The following LRRIQ1 variants were observed in gnomAD, a reference collection of about 807,000 sequenced individuals.
LRRIQ1 encodes the protein leucine rich repeats and IQ motif containing 1.
In LRRIQ1, 210 loss-of-function variants were observed where a neutral mutation model predicts 211.9. The ratio of observed to expected loss-of-function variants is 0.99; its 90% CI spans 0.89 to 1.11. The LOEUF is 1.11. Among genes scored for constraint, LRRIQ1 ranks in the 50% most tolerant of loss-of-function variants. The probability of loss-of-function intolerance (pLI) is 0.00; values close to 1 mark genes in which losing one functional copy is unlikely to be tolerated. For synonymous variants in LRRIQ1, 699 were observed against 650.1 expected (o/e 1.08, Z -1.14); for missense variants, 2,136 against 1,939.5 (o/e 1.10, Z -1.90).
At chr12:85,098,269 C>A in intron 11 of LRRIQ1, 86 bp from the exon 12 acceptor site, 1 of 813,402 alleles carries the variant, frequency 1.2e-6, no homozygotes. Flanking sequence ...TACAAAGGTG[C>A]AATTATTTAG....
intron 24 of LRRIQ1, among the ~76,000 whole-genome samples, chr12:85,197,879 AT>A (rs1893019937): frequency 1.5e-5 from 2 of 132,600 alleles, no homozygotes; most frequent in Admixed American, 8.8e-5. Context: ...AATAAATTTA[AT>A]AAAACATAAT....
At chr12:85,052,124 A>G in intron 6 of LRRIQ1, 53 bp from the exon 7 acceptor site, 2 of 992,086 alleles carry the variant, frequency 2.0e-6, no homozygotes, top group Non-Finnish European at 3.0e-6. Context: ...TATAATTAAC[A>G]TAATATTTTT....
chr12:85,083,739 G>A (rs796567), intron 11 of LRRIQ1, among the ~76,000 whole-genome samples: 90,715 of 151,964 alleles, frequency 0.6, 29,348 homozygotes, highest in African/African-American at 0.86. Context: ...CACCCGGCCT[G>A]GTAATTTTTG....
At chr12:85,042,216 A>G (rs1490941191) in intron 3 of LRRIQ1, among the ~76,000 whole-genome samples, 1 of 151,732 alleles carries the variant, frequency 6.6e-6, no homozygotes, top group African/African-American at 2.4e-5. Context: ...TTAGAAAATT[A>G]TGAGATCTTG....
chr12:85,251,785 A>AT (rs201875145), intron 1 of LRRIQ1, among the ~76,000 whole-genome samples: 2,937 of 151,808 alleles, frequency 0.019, 102 homozygotes, highest in African/African-American at 0.068. Context: ...CGCAAAAAAA[A>AT]AAAAACAGAT....
chr12:85,082,365 G>A (rs1884387346), intron 11 of LRRIQ1, among the ~76,000 whole-genome samples: 1 of 152,086 alleles, frequency 6.6e-6, no homozygotes, highest in African/African-American at 2.4e-5. Flanking sequence ...TTACATTGAT[G>A]TGTCTAGGCA....
In LRRIQ1 at chr12:85,056,211, C is replaced by A; in HGVS notation, c.1418C>A (p.Thr473Lys). The change falls in exon 8 of 27, where the codon ACA becomes AAA. Residue 473 changes from threonine to lysine, a missense_variant. By Grantham distance (78) the Thr-to-Lys change is moderately conservative. Transcript: ENST00000393217. Reference sequence around the variant, plus strand: ...TTAAAAGAATCTATATCAAGCCAAACAATTCTGGCAGATTTTAAAATGGAA... The same window carrying A: ...TTAAAAGAATCTATATCAAGCCAAAAAATTCTGGCAGATTTTAAAATGGAA... Reference protein sequence around the residue: ...VKLKESISSQTILADFKMEEK... With the variant: ...VKLKESISSQKILADFKMEEK... 1 of 1,569,934 alleles carries A rather than the reference C, an allele frequency of 6.4e-7. No homozygotes were observed. Among genetic ancestry groups the A allele is most frequent in the Non-Finnish European group, 8.6e-7 (1 of 1,167,528 alleles).
chr12:85,163,587 T>C lies in LRRIQ1; in HGVS notation c.4822+2873T>C, dbSNP rs76314790. On this transcript the variant is annotated intron_variant, in intron 24 of 26. Transcript: ENST00000393217. ...ATTACTTTCTATCTCCACTCTGCAA[T>C]GTTGACTATATGGGGTTTCCATGAT... is the stretch of plus-strand genomic sequence containing the variant. Among the ~76,000 whole-genome samples, 34 of 152,276 alleles carry C rather than the reference T, an allele frequency of 2.2e-4. No homozygotes were observed. The East Asian group carries it at 5.6e-3, about 25-fold the overall frequency.
At chr12:85,130,672 C>T (rs1038577994) in intron 18 of LRRIQ1, among the ~76,000 whole-genome samples, 1 of 152,176 alleles carries the variant, frequency 6.6e-6, no homozygotes, top group Non-Finnish European at 1.5e-5. Flanking sequence ...AATCATCTAG[C>T]TTCTTAAATG....
intron 24 of LRRIQ1, among the ~76,000 whole-genome samples, 179 bp downstream of exon 24, chr12:85,160,893 T>C (rs1013428269): frequency 6.6e-6 from 1 of 152,078 alleles, no homozygotes; most frequent in African/African-American, 2.4e-5. Context: ...TTTAGTGTGC[T>C]GAAATATTGA....
chr12:85,270,529 CATAATT>C, the LRRIQ1 span, among the ~76,000 whole-genome samples: 5 of 152,068 alleles, frequency 3.3e-5, no homozygotes, highest in Non-Finnish European at 7.4e-5. Context: ...TTCTAACAAT[CATAATT>C]ATATACTTCA....
chr12:85,189,926 A>G (rs1240967300), intron 24 of LRRIQ1, among the ~76,000 whole-genome samples: 1 of 143,460 alleles, frequency 7.0e-6, no homozygotes, highest in Non-Finnish European at 1.5e-5. Flanking sequence ...TTAATAATAT[A>G]AATAATAATT....
intron 16 of LRRIQ1, 149 bp from the exon 17 acceptor site, chr12:85,123,921 T>C: frequency 1.6e-6 from 1 of 607,510 alleles, no homozygotes; most frequent in Non-Finnish European, 2.8e-6. Context: ...TCAATTTTTA[T>C]ATAAACAACT....
chr12:85,098,555 G>T lies in LRRIQ1; in HGVS notation c.3081+7G>T, dbSNP rs1886097629. On this transcript the variant is annotated splice_region_variant and intron_variant, in intron 12 of 26. Coordinates refer to ENST00000393217, the MANE Select transcript of LRRIQ1 (RefSeq NM_001079910.2). The stretch of plus-strand genomic sequence containing the variant: ...GGGAAATTATCTGAGTGAGGTAATT[G>T]CTTTGAATTAATTGATTTCTGTGAT... The T allele has an allele frequency of 3.1e-6, 5 of 1,588,056 alleles. No homozygotes were observed. The highest frequency in any genetic ancestry group is 3.4e-6 in the Non-Finnish European group (4 of 1,164,978).
intron 24 of LRRIQ1, among the ~76,000 whole-genome samples, chr12:85,204,920 G>T (rs1893468863): frequency 6.6e-6 from 1 of 152,144 alleles, no homozygotes; most frequent in African/African-American, 2.4e-5. Context: ...ATATTTGGCA[G>T]GGGCTGGGGT....
chr12:85,038,125 A>T (rs955108835), intron 1 of LRRIQ1, 28 bp from the exon 2 acceptor site: 12 of 1,377,234 alleles, frequency 8.7e-6, no homozygotes, highest in African/African-American at 1.5e-5. Context: ...TTTTAGTGAC[A>T]TATTAGCCTC....
At chr12:85,223,641 G>A (rs1451474478) in intron 24 of LRRIQ1, among the ~76,000 whole-genome samples, 2 of 152,014 alleles carry the variant, frequency 1.3e-5, no homozygotes, top group African/African-American at 4.8e-5. Context: ...AAGATTTGGG[G>A]CAAATATATA....
intron 24 of LRRIQ1, among the ~76,000 whole-genome samples, chr12:85,220,516 T>G (rs1317975963): frequency 6.6e-6 from 1 of 151,922 alleles, no homozygotes; most frequent in Non-Finnish European, 1.5e-5. Context: ...TTGGTGAACT[T>G]CTTAAAACTA....
chr12:85,232,049 A>T (rs2137196846), intron 25 of LRRIQ1, among the ~76,000 whole-genome samples: 1 of 152,190 alleles, frequency 6.6e-6, no homozygotes, highest in East Asian at 1.9e-4. Flanking sequence ...TATAAGAAAA[A>T]TGTTTCATGA....
Sources: gnomAD v4.1 joint callset for allele counts (sites outside exome capture counted in the v4.1 genomes callset) on GRCh38, gnomAD v4.1.1 for gene constraint, MANE v1.5 for transcripts, NCBI Gene and HGNC (gene_info 2026-07-23, HGNC 2026-07-21) for gene names.